Variants in SPDYE2B observed in about 807,000 individuals in gnomAD.
SPDYE2B encodes the protein speedy protein E2B.
At chr7:102,653,893 G>T (rs2133545695) in intron 3 of SPDYE2B, among the ~76,000 whole-genome samples, 2 of 148,790 alleles carry the variant, frequency 1.3e-5, no homozygotes, top group South Asian at 4.4e-4. Flanking sequence ...TTGGTTTCGG[G>T]CCAGGTGCAG....
intron 3 of SPDYE2B, among the ~76,000 whole-genome samples, chr7:102,654,390 T>TCAGGAAG (rs1791820444): frequency 1.1e-5 from 1 of 88,810 alleles, no homozygotes; most frequent in Admixed American, 1.2e-4. Context: ...ATGAGGAGGG[T>TCAGGAAG]GTGTGGGAAG....
chr7:102,660,028 ACTT>A lies in SPDYE2B; in HGVS notation c.1100_1102del (p.Phe367del), dbSNP rs1791937236. The A allele has an allele frequency of 7.4e-6, 2 of 270,268 alleles. No individual in the cohort carries two copies. The highest frequency in any genetic ancestry group is 6.4e-6 in the Non-Finnish European group (1 of 156,674). The allele number at this position is 270,268 out of a possible 1,614,324, so 16.7% of individuals were successfully genotyped here. ...GTCCTGTTCCAGAAACGACGGTTCC[ACTT>A]CTTCTGTTCCATGAGCTGCAGGGCT... On this transcript the variant is annotated inframe_deletion, in exon 7 of 9. Coordinates refer to ENST00000507450, the MANE Select transcript of SPDYE2B (RefSeq NM_001166339.2).
In SPDYE2B at chr7:102,662,215, T is replaced by TA. The variant is rs1791951984; in HGVS notation, c.*1117dup. On this transcript the variant is annotated 3_prime_UTR_variant, in exon 9 of 9. Coordinates refer to ENST00000507450, the MANE Select transcript of SPDYE2B (RefSeq NM_001166339.2). The stretch of plus-strand genomic sequence containing the variant: ...CTATAAAGCTGTGTGATGGATATTA[T>TA]AACTGTTATATACACATACATATAA... Among the ~76,000 whole-genome samples, 2 of 61,640 alleles carry TA rather than the reference T, an allele frequency of 3.2e-5. 1 individual carries two copies. Among genetic ancestry groups the TA allele is most frequent in the Non-Finnish European group, 8.1e-5 (2 of 24,584 alleles). 40.4% of individuals were successfully genotyped at this position (61,640 alleles called of 152,430 possible).
rs1305535220 is a variant in SPDYE2B at position 102,662,097 on chromosome 7, TTTA to T, written c.*1001_*1003del. Among the ~76,000 whole-genome samples the T allele has an allele frequency of 1.2e-5, 1 of 80,714 alleles. No homozygotes were observed. Among genetic ancestry groups the T allele is most frequent in the Non-Finnish European group, 2.9e-5 (1 of 34,166 alleles). The allele number at this position is 80,714 out of a possible 152,430, so 53.0% of individuals were successfully genotyped here. On this transcript the variant is annotated 3_prime_UTR_variant, in exon 9 of 9. Coordinates refer to ENST00000507450, the MANE Select transcript of SPDYE2B (RefSeq NM_001166339.2). ...AAATATTATTTTATTTATTTAAATA[TTTA>T]TTAAATATATTTATTTATTTAAATA...
chr7:102,658,811 TC>T (rs1791913369), intron 6 of SPDYE2B, among the ~76,000 whole-genome samples: 2 of 148,102 alleles, frequency 1.4e-5, no homozygotes, highest in Non-Finnish European at 3.0e-5. Context: ...TTACTCCCAG[TC>T]CCATTAGACT....
At chr7:102,654,291 T>G (rs1259679924) in intron 3 of SPDYE2B, among the ~76,000 whole-genome samples, 23 of 108,220 alleles carry the variant, frequency 2.1e-4, no homozygotes, top group Admixed American at 6.3e-4. Flanking sequence ...CGCCACTGCA[T>G]TCCATTCTGG....
Position 102,662,456 on chromosome 7 carries a change from G to T in SPDYE2B, c.*1356G>T, listed in dbSNP as rs1443840647. 1.1e-4 allele frequency among the ~76,000 whole-genome samples: 1 copy of T among 8,896 alleles called. No individual in the cohort carries two copies. Among genetic ancestry groups the T allele is most frequent in the African/African-American group, 1.5e-4 (1 of 6,568 alleles). 5.8% of individuals were successfully genotyped at this position (8,896 alleles called of 152,430 possible). A position where few individuals can be genotyped will look rare whatever the true frequency, so the allele number is the denominator to read the frequency against. ...TATTTCATATATATTTGAAATGTGA[G>T]AATTCAGATGTAATTTTTTACCTTG... On this transcript the variant is annotated 3_prime_UTR_variant, in exon 9 of 9. Coordinates refer to ENST00000507450, the MANE Select transcript of SPDYE2B (RefSeq NM_001166339.2).
At chr7:102,654,318 C>A (rs1791813427) in intron 3 of SPDYE2B, among the ~76,000 whole-genome samples, 1 of 88,146 alleles carries the variant, frequency 1.1e-5, no homozygotes, top group Non-Finnish European at 2.0e-5. Context: ...GAGTGAGACG[C>A]TGTCTCAAAA....
rs1199178918 is a variant in SPDYE2B, at chr7:102,654,717, GA to G, written c.380-250del. ...TCTCAACAACAACAACGACAACAAC[GA>G]AAAAAAAAAAAAAAAAGGGACTCAG... On this transcript the variant is annotated intron_variant, in intron 3 of 8. Coordinates refer to ENST00000507450, the MANE Select transcript of SPDYE2B (RefSeq NM_001166339.2). Among the ~76,000 whole-genome samples the G allele has an allele frequency of 2.4e-3, 36 of 14,818 alleles. 2 individuals are homozygous for G. The highest frequency in any genetic ancestry group is 8.2e-3 in the South Asian group (4 of 490). 9.7% of individuals were successfully genotyped at this position (14,818 alleles called of 152,430 possible).
At position 102,662,074 on chromosome 7, in the gene SPDYE2B, A is replaced by T. The variant is rs1406344290; in HGVS notation, c.*974A>T. Among the ~76,000 whole-genome samples the T allele has an allele frequency of 4.2e-5, 3 of 71,948 alleles. 1 individual carries two copies. Among genetic ancestry groups the T allele is most frequent in the African/African-American group, 1.1e-4 (3 of 27,756 alleles). The allele number at this position is 71,948 out of a possible 152,430, so 47.2% of individuals were successfully genotyped here. A position where few individuals can be genotyped will look rare whatever the true frequency, so the allele number is the denominator to read the frequency against. On this transcript the variant is annotated 3_prime_UTR_variant, in exon 9 of 9. Coordinates refer to ENST00000507450, the MANE Select transcript of SPDYE2B (RefSeq NM_001166339.2). ...AAAACATGGGTATAGAATTATTTAA[A>T]TATTATTTTATTTATTTAAATATTT...
intron 3 of SPDYE2B, among the ~76,000 whole-genome samples, chr7:102,654,393 G>GCACA: frequency 7.6e-6 from 1 of 132,244 alleles, no homozygotes; most frequent in Admixed American, 7.4e-5. Context: ...AGGAGGGTGT[G>GCACA]TGGGAAGAAT....
chr7:102,656,443 G>C (rs373174919), intron 5 of SPDYE2B, 137 bp downstream of exon 5: 2 of 81,620 alleles, frequency 2.5e-5, no homozygotes, highest in African/African-American at 1.4e-4. Flanking sequence ...TTTTTTTTTT[G>C]TGTGTGTGTG....
At position 102,656,293 on chromosome 7, in the gene SPDYE2B, G is replaced by C. The variant is rs1791862906; in HGVS notation, c.656G>C (p.Arg219Thr). Residue 219 changes from arginine (R) to threonine (T), a missense_variant, in exon 5 of 9, where the codon AGG becomes ACG. Arg to Thr is a moderately conservative substitution (Grantham distance 71). Transcript: ENST00000507450. ...TTCTTGGCCTGGGACAAAGATCTGA[G>C]GGTGTCGGACAAGGTAAGGTTGTTC... ...KRFLAWDKDL[R>T]VSDKYLLAMV... is the part of the protein sequence containing the mutation. 3.1e-6 allele frequency: 1 copy of C among 317,888 alleles called. No homozygotes were observed. Among genetic ancestry groups the C allele is most frequent in the African/African-American group, 3.3e-5 (1 of 30,074 alleles). The allele number at this position is 317,888 out of a possible 1,614,324, so 19.7% of individuals were successfully genotyped here. A position where few individuals can be genotyped will look rare whatever the true frequency, so the allele number is the denominator to read the frequency against.
At position 102,662,138 on chromosome 7, in the gene SPDYE2B, A is replaced by G. The variant is rs2133556393; in HGVS notation, c.*1038A>G. Among the ~76,000 whole-genome samples the G allele has an allele frequency of 1.2e-5, 1 of 83,256 alleles. No homozygotes were observed. Among genetic ancestry groups the G allele is most frequent in the African/African-American group, 3.4e-5 (1 of 29,850 alleles). 54.6% of individuals were successfully genotyped at this position (83,256 alleles called of 152,430 possible). A position where few individuals can be genotyped will look rare whatever the true frequency, so the allele number is the denominator to read the frequency against. On this transcript the variant is annotated 3_prime_UTR_variant, in exon 9 of 9. Transcript: ENST00000507450. The stretch of plus-strand genomic sequence containing the variant: ...ATTTATTTAAATATTATTACTTTAA[A>G]TATTATTTTAAATATTTTGGAAATA...
intron 3 of SPDYE2B, among the ~76,000 whole-genome samples, chr7:102,654,650 C>T (rs1219376254): frequency 4.0e-5 from 1 of 24,772 alleles, no homozygotes; most frequent in Non-Finnish European, 1.0e-4. Flanking sequence ...GAGCCAAGAT[C>T]GCACCACTAC....
intron 4 of SPDYE2B, among the ~76,000 whole-genome samples, chr7:102,656,021 G>GT (rs2133549289): frequency 9.7e-6 from 1 of 102,992 alleles, no homozygotes; most frequent in African/African-American, 3.1e-5. Context: ...TCTACATCCT[G>GT]TAGATTCTCA....
intron 3 of SPDYE2B, among the ~76,000 whole-genome samples, chr7:102,654,324 C>CAAAAAAAAA (rs1284683166): frequency 1.1e-4 from 11 of 96,064 alleles, no homozygotes; most frequent in South Asian, 4.2e-4. Flanking sequence ...GACGCTGTCT[C>CAAAAAAAAA]AAAAAAAAAA....
chr7:102,660,063 TC>T lies in SPDYE2B; in HGVS notation c.1133del (p.Pro378GlnfsTer34). ...FCSMSCRAWVSPEELEEIQAY... is the reference protein window; with the variant it reads ...FCSMSCRAWVXPEELEEIQAY... ...TTCCATGAGCTGCAGGGCTTGGGTT[TC>T]CCCAGAGGAGTTGGAGGAGGTGAGT... On this transcript the variant is annotated frameshift_variant, in exon 7 of 9. Transcript: ENST00000507450. LOFTEE classifies it high-confidence loss of function. 6.2e-6 allele frequency: 1 copy of T among 162,000 alleles called. No individual in the cohort carries two copies. Among genetic ancestry groups the T allele is most frequent in the South Asian group, 3.3e-5 (1 of 30,612 alleles). The allele number at this position is 162,000 out of a possible 1,614,324, so 10.0% of individuals were successfully genotyped here. A position where few individuals can be genotyped will look rare whatever the true frequency, so the allele number is the denominator to read the frequency against.
chr7:102,659,185 G>A (rs1171378597), intron 6 of SPDYE2B, among the ~76,000 whole-genome samples: 2 of 151,130 alleles, frequency 1.3e-5, no homozygotes. Flanking sequence ...TAACGGGTGT[G>A]CCACCGCACC....
Sources: gnomAD v4.1 joint callset for allele counts (sites outside exome capture counted in the v4.1 genomes callset) on GRCh38, gnomAD v4.1.1 for gene constraint, MANE v1.5 for transcripts, NCBI Gene and HGNC (gene_info 2026-07-23, HGNC 2026-07-21) for gene names.